PLEKHM2: variants seen among roughly 807,000 people sequenced by gnomAD.
PLEKHM2 encodes the protein pleckstrin homology and RUN domain containing M2.
PLEKHM2 carries 77 observed loss-of-function variants against 116.3 expected under a neutral mutation model. The ratio of observed to expected loss-of-function variants is 0.66; its 90% CI spans 0.55 to 0.80. PLEKHM2 has a LOEUF of 0.80. Ranked by LOEUF, PLEKHM2 falls within the 30% of genes least tolerant of loss-of-function variation. The pLI, the probability that PLEKHM2 is intolerant of heterozygous loss-of-function variation, is 0.00. For synonymous variants in PLEKHM2, 562 were observed against 571.0 expected, an observed-to-expected ratio of 0.98 and a Z score of 0.22; for missense variants, 1,183 against 1,354.9, an observed-to-expected ratio of 0.87 and a Z score of 1.99.
intron 19 of PLEKHM2, 40 bp downstream of exon 19, chr1:15,732,768 G>C: frequency 7.2e-7 from 1 of 1,388,050 alleles, no homozygotes; most frequent in Non-Finnish European, 1.0e-6. Context: ...CAGGGACCCT[G>C]TGGAGTGGGA....
intron 1 of PLEKHM2, among the ~76,000 whole-genome samples, chr1:15,694,003 A>C (rs1372786606): frequency 4.6e-5 from 7 of 152,146 alleles, no homozygotes; most frequent in Non-Finnish European, 1.5e-5. Flanking sequence ...GTCCAACGGA[A>C]GCAGTAGAGC....
rs1288920520 is a variant in PLEKHM2 at position 15,720,382 on chromosome 1, A to G, written c.652+462A>G. The G allele has an allele frequency of 5.1e-6, 5 of 985,098 alleles. No homozygotes were observed. In the African/African-American group the frequency reaches 5.2e-5, roughly 10 times the overall value. 61.0% of individuals were successfully genotyped at this position (985,098 alleles called of 1,614,324 possible). A position where few individuals can be genotyped will look rare whatever the true frequency, so the allele number is the denominator to read the frequency against. Reference sequence around the variant, plus strand: ...GTCTGAAGCGCAGGGAAACCTTGCCACTGTGTCCTGTGTGTCCGTCCGATT... The same window carrying G: ...GTCTGAAGCGCAGGGAAACCTTGCCGCTGTGTCCTGTGTGTCCGTCCGATT... On this transcript the variant is annotated intron_variant, in intron 6 of 19. Transcript: ENST00000375799.
At position 15,729,215 on chromosome 1, in the gene PLEKHM2, G is replaced by C; in HGVS notation, c.2075+25G>C. The C allele has an allele frequency of 6.3e-7, 1 of 1,592,740 alleles. No homozygotes were observed. Among genetic ancestry groups the C allele is most frequent in the East Asian group, 2.3e-5 (1 of 44,076 alleles). On this transcript the variant is annotated intron_variant, in intron 13 of 19. Coordinates refer to ENST00000375799, the MANE Select transcript of PLEKHM2 (RefSeq NM_015164.4). The surrounding 1 kb of genome is among the most constrained non-coding windows in gnomAD (Gnocchi z 4.7). The stretch of plus-strand genomic sequence containing the variant: ...AGTGAGTGGCAACCCCGCCCCTCTG[G>C]AAGGATTGGAGAGTTCGCAGCCGCC...
chr1:15,682,251 C>T (rs558613407), upstream of PLEKHM2, among the ~76,000 whole-genome samples: 21 of 151,778 alleles, frequency 1.4e-4, no homozygotes, highest in African/African-American at 4.8e-4. Flanking sequence ...GAGTTCAAGA[C>T]CAGCCTGGCC....
At chr1:15,716,490 C>A (rs1641449120) in intron 2 of PLEKHM2, 147 bp downstream of exon 2, 2 of 676,572 alleles carry the variant, frequency 3.0e-6, no homozygotes, top group Non-Finnish European at 5.0e-6. Context: ...GCCACAGTCT[C>A]TCTGTAGTTA....
intron 1 of PLEKHM2, among the ~76,000 whole-genome samples, chr1:15,692,116 G>A (rs939162789): frequency 5.9e-5 from 9 of 151,446 alleles, no homozygotes; most frequent in African/African-American, 1.9e-4. Context: ...CTGTCTCGGC[G>A]GGGGAAAAAA....
upstream of PLEKHM2, among the ~76,000 whole-genome samples, chr1:15,683,662 T>TG (rs1372200984): frequency 1.3e-5 from 1 of 75,104 alleles, no homozygotes; most frequent in Non-Finnish European, 2.7e-5. Context: ...TCGGGGTCTT[T>TG]GGGGGTCTCT....
intron 1 of PLEKHM2, among the ~76,000 whole-genome samples, chr1:15,692,454 C>T (rs1298923707): frequency 2.0e-5 from 3 of 152,102 alleles, no homozygotes; most frequent in African/African-American, 7.2e-5. Flanking sequence ...CTGGTGAGGG[C>T]GGGGAGGGAC....
intron 1 of PLEKHM2, among the ~76,000 whole-genome samples, chr1:15,690,718 A>G (rs1413123284): frequency 2.0e-5 from 3 of 152,212 alleles, no homozygotes; most frequent in Non-Finnish European, 4.4e-5. Context: ...GTGAATGTGG[A>G]CACTTGTAAA....
In PLEKHM2 at chr1:15,727,065, G is replaced by T; in HGVS notation, c.993G>T (p.Glu331Asp). ...IGKKKKSRSD[E>D]EASPLHPACS... ...AGAAGAAAAAGAGCAGATCAGATGA[G>T]GAGGCAAGTCCACTCCACCCCGCCT... Residue 331 changes from glutamate (E) to aspartate (D), a missense_variant, in exon 9 of 20, where the codon GAG (glutamate) becomes GAT (aspartate). Glu to Asp is a conservative substitution (Grantham distance 45). This residue lies in a region of PLEKHM2 where 372 missense variants were observed against 357.2 expected (regional missense o/e 1.04). Transcript: ENST00000375799. The surrounding 1 kb of genome is among the most constrained non-coding windows in gnomAD (Gnocchi z 7.5). 1 of 1,507,016 alleles carries T rather than the reference G, an allele frequency of 6.6e-7. No individual in the cohort carries two copies. 93.4% of individuals were successfully genotyped at this position (1,507,016 alleles called of 1,614,324 possible).
chr1:15,697,399 G>A (rs762180093), intron 1 of PLEKHM2, among the ~76,000 whole-genome samples: 4 of 152,224 alleles, frequency 2.6e-5, no homozygotes, highest in African/African-American at 9.6e-5. Flanking sequence ...CCCTCCGTAA[G>A]AAGTCAATCC....
At chr1:15,682,305 G>T (rs997048355), upstream of PLEKHM2, among the ~76,000 whole-genome samples, 1 of 151,840 alleles carries the variant, frequency 6.6e-6, no homozygotes, top group Non-Finnish European at 1.5e-5. Flanking sequence ...AAAAAAATTA[G>T]CTGGGCGTGG....
At chr1:15,723,493 A>C (rs1014712890) in intron 7 of PLEKHM2, 9 of 151,438 alleles carry the variant, frequency 5.9e-5, no homozygotes, top group Admixed American at 3.3e-4. Flanking sequence ...TAATCCCAGC[A>C]CTTTGAGAGG....
At chr1:15,714,409 C>T (rs1641400522) in intron 1 of PLEKHM2, among the ~76,000 whole-genome samples, 1 of 147,720 alleles carries the variant, frequency 6.8e-6, no homozygotes, top group African/African-American at 2.5e-5. Context: ...CTGAAGTGTG[C>T]AGTAATGTTT....
At chr1:15,692,714 G>T (rs1208362567) in intron 1 of PLEKHM2, among the ~76,000 whole-genome samples, 1 of 151,430 alleles carries the variant, frequency 6.6e-6, no homozygotes, top group East Asian at 2.0e-4. Flanking sequence ...TGGGGTTACA[G>T]GTGCAAGCCA....
chr1:15,718,108 AT>A, intron 4 of PLEKHM2, 116 bp downstream of exon 4: 1 of 705,940 alleles, frequency 1.4e-6, no homozygotes, highest in Non-Finnish European at 2.5e-6. Context: ...CCAGAGAGCC[AT>A]TAGAACCTTG....
At chr1:15,701,458 A>C (rs1037517503) in intron 1 of PLEKHM2, among the ~76,000 whole-genome samples, 1 of 151,312 alleles carries the variant, frequency 6.6e-6, no homozygotes, top group Non-Finnish European at 1.5e-5. Context: ...GAAAAAAAAA[A>C]GGTATTATTA....
chr1:15,713,353 G>A (rs1054292927), intron 1 of PLEKHM2, among the ~76,000 whole-genome samples: 5 of 152,044 alleles, frequency 3.3e-5, no homozygotes, highest in Non-Finnish European at 7.4e-5. Context: ...CCAAGCTGTT[G>A]GCAATAGTAA....
In PLEKHM2 at chr1:15,727,079, T is replaced by C; in HGVS notation, c.1007T>C (p.Leu336Pro). The change falls in exon 9 of 20, where the codon CTC becomes CCC. Residue 336 changes from leucine (L) to proline (P), a missense_variant. Physicochemically the swap from Leu to Pro is moderately conservative, Grantham distance 98. Coordinates refer to ENST00000375799, the MANE Select transcript of PLEKHM2 (RefSeq NM_015164.4). This position sits in a 1 kb window ranked among gnomAD's most constrained non-coding sequence, Gnocchi z 7.5. ...KSRSDEEASP[L>P]HPACSQKKCA... is the part of the protein sequence containing the mutation. ...AGATCAGATGAGGAGGCAAGTCCAC[T>C]CCACCCCGCCTGCAGCCAGAAGAAA... is the stretch of plus-strand genomic sequence containing the variant. 1.3e-6 allele frequency: 2 copies of C among 1,521,428 alleles called. No homozygotes were observed. 94.2% of individuals were successfully genotyped at this position (1,521,428 alleles called of 1,614,324 possible).
Sources: allele counts gnomAD v4.1 joint callset (sites outside exome capture counted in the v4.1 genomes callset), GRCh38; gene constraint gnomAD v4.1.1; regional missense constraint gnomAD v4.1.1; non-coding constraint Gnocchi (gnomAD v3.1); transcripts MANE v1.5; gene names NCBI Gene and HGNC (gene_info 2026-07-23, HGNC 2026-07-21).